CACNA1D: variants seen among roughly 807,000 people sequenced by gnomAD.
CACNA1D encodes the protein calcium voltage-gated channel subunit alpha1 D.
Under a neutral mutation model 257.1 loss-of-function variants are expected in CACNA1D, and 55 were observed. The ratio of observed to expected loss-of-function variants is 0.21; its 90% CI spans 0.17 to 0.27. The LOEUF is 0.27. Ranked by LOEUF, CACNA1D falls within the 10% of genes least tolerant of loss-of-function variation. CACNA1D has a pLI of 1.00. For synonymous variants in CACNA1D, 980 were observed against 1,014.9 expected (o/e 0.97, Z 0.65); for missense variants, 1,876 against 2,784.0 (o/e 0.67, Z 7.34).
rs1458912030 is a variant in CACNA1D at position 53,694,398 on chromosome 3, C to A, written c.1221-8243C>A. Among the ~76,000 whole-genome samples, 7 of 152,122 alleles carry A rather than the reference C, an allele frequency of 4.6e-5. No individual in the cohort carries two copies. The South Asian group carries it at 1.2e-3, about 27-fold the overall frequency. On this transcript the variant is annotated intron_variant, in intron 8 of 47. Transcript: ENST00000350061. The stretch of plus-strand genomic sequence containing the variant: ...GGGGCTCTTGGGGAAAATCAGAGTG[C>A]AGTAGTGAGCAGAGCTGGGCTTTAT...
chr3:53,560,633 G>T (rs949555075), intron 3 of CACNA1D, among the ~76,000 whole-genome samples: 1 of 152,212 alleles, frequency 6.6e-6, no homozygotes, highest in Non-Finnish European at 1.5e-5. Context: ...TAACTCTGCT[G>T]TCATAGTGTA....
chr3:53,560,637 T>A (rs2092720617), intron 3 of CACNA1D, among the ~76,000 whole-genome samples: 1 of 152,244 alleles, frequency 6.6e-6, no homozygotes, highest in Non-Finnish European at 1.5e-5. Flanking sequence ...TCTGCTGTCA[T>A]AGTGTAAAAG....
At chr3:53,641,530 A>C (rs1014547764) in intron 3 of CACNA1D, among the ~76,000 whole-genome samples, 4 of 152,124 alleles carry the variant, frequency 2.6e-5, no homozygotes, top group Non-Finnish European at 4.4e-5. Context: ...GGGTCCCTGA[A>C]CTGCCAGGCG....
At chr3:53,643,009 G>A (rs777956537) in intron 3 of CACNA1D, among the ~76,000 whole-genome samples, 2 of 152,220 alleles carry the variant, frequency 1.3e-5, no homozygotes, top group Non-Finnish European at 2.9e-5. Context: ...GCAAGGCAAA[G>A]CAAGAATGAT....
rs903141370 is a variant in CACNA1D at position 53,789,663 on chromosome 3, G to A, written c.4923+2711G>A. ...GGGTGCCCCATGGCTGGCAGACTGC[G>A]TGCTAATGGAAAGTGGAGCATGGCC... On this transcript the variant is annotated intron_variant, in intron 40 of 47. Transcript: ENST00000350061. The surrounding 1 kb of genome is among the most constrained non-coding windows in gnomAD (Gnocchi z 4.2). Among the ~76,000 whole-genome samples, 1 of 152,232 alleles carries A rather than the reference G, an allele frequency of 6.6e-6. No individual in the cohort carries two copies. Among genetic ancestry groups the A allele is most frequent in the Admixed American group, 6.5e-5 (1 of 15,286 alleles).
intron 40 of CACNA1D, chr3:53,799,962 C>T (rs1041794939): frequency 2.3e-5 from 11 of 470,130 alleles, no homozygotes; most frequent in African/African-American, 1.8e-4. Flanking sequence ...CCTGGCAGAT[C>T]CTAGCACTAG....
intron 4 of CACNA1D, among the ~76,000 whole-genome samples, chr3:53,655,012 T>C (rs571096887): frequency 1.3e-5 from 2 of 152,146 alleles, no homozygotes; most frequent in African/African-American, 2.4e-5. Flanking sequence ...ATGGCCTTTC[T>C]TTGTGTCCAT....
chr3:53,805,174 G>T, intron 45 of CACNA1D, 28 bp downstream of exon 45: 1 of 1,607,512 alleles, frequency 6.2e-7, no homozygotes. Flanking sequence ...GTTTTGGGTG[G>T]AACCTCCCGG....
chr3:53,513,295 T>G (rs576635738), intron 3 of CACNA1D, among the ~76,000 whole-genome samples: 2 of 152,360 alleles, frequency 1.3e-5, no homozygotes, highest in Admixed American at 1.3e-4. Flanking sequence ...TGTTGCCTAG[T>G]GACATCGTAG....
intron 28 of CACNA1D, 71 bp from the exon 29 acceptor site, chr3:53,753,501 G>T (rs1048051857): frequency 2.0e-6 from 2 of 1,022,712 alleles, no homozygotes; most frequent in East Asian, 2.4e-5. Context: ...AGAGGGCTGG[G>T]AGCCTCCATG....
Position 53,691,271 on chromosome 3 carries a change from T to C in CACNA1D, c.1221-11370T>C, listed in dbSNP as rs146520101. ...TCTCCTGCCTCAGCCTCCCAAGTAG[T>C]TGGGATTACAGGTGCACACCACTAC... On this transcript the variant is annotated intron_variant, in intron 8 of 47. Coordinates refer to ENST00000350061, the MANE Select transcript of CACNA1D (RefSeq NM_001128840.3). Among the ~76,000 whole-genome samples, 709 of 151,922 alleles carry C rather than the reference T, an allele frequency of 4.7e-3. 9 individuals are homozygous for C. The highest frequency in any genetic ancestry group is 0.017 in the African/African-American group (685 of 41,432).
intron 3 of CACNA1D, among the ~76,000 whole-genome samples, chr3:53,617,891 C>G (rs2093654579): frequency 6.6e-6 from 1 of 152,126 alleles, no homozygotes; most frequent in African/African-American, 2.4e-5. Context: ...CAAACAGAAG[C>G]CCTGTAAGGA....
chr3:53,770,666 A>C (rs1279976312), intron 32 of CACNA1D, 114 bp downstream of exon 32: 2 of 918,092 alleles, frequency 2.2e-6, no homozygotes, highest in African/African-American at 3.3e-5. Context: ...CTGTGGACCT[A>C]AATCAATAGA....
chr3:53,691,722 CATATATA>C (rs771440600), intron 8 of CACNA1D, among the ~76,000 whole-genome samples: 42 of 57,818 alleles, frequency 7.3e-4, no homozygotes, highest in South Asian at 1.3e-3. Context: ...ATATATATTA[CATATATA>C]ATATATATAT....
intron 3 of CACNA1D, among the ~76,000 whole-genome samples, chr3:53,531,865 C>T (rs919862607): frequency 2.6e-5 from 4 of 152,088 alleles, no homozygotes; most frequent in African/African-American, 9.7e-5. Context: ...CTTAAAAGAA[C>T]AAGGAAGCTT....
At chr3:53,703,436 T>C (rs890477113) in intron 9 of CACNA1D, among the ~76,000 whole-genome samples, 8 of 152,206 alleles carry the variant, frequency 5.3e-5, no homozygotes, top group African/African-American at 1.7e-4. Context: ...AGGCAAGGCC[T>C]GAGAACTCAG....
intron 39 of CACNA1D, among the ~76,000 whole-genome samples, chr3:53,784,151 C>A (rs2095440639): frequency 6.6e-6 from 1 of 152,130 alleles, no homozygotes; most frequent in African/African-American, 2.4e-5. Flanking sequence ...TCTCCGCTGC[C>A]CCCTCACCAT....
intron 3 of CACNA1D, among the ~76,000 whole-genome samples, chr3:53,531,769 T>G (rs1270841133): frequency 6.6e-6 from 1 of 152,230 alleles, no homozygotes; most frequent in Non-Finnish European, 1.5e-5. Context: ...TCTTTGAGGG[T>G]ATTGCTATCA....
At chr3:53,754,469 C>T (rs958659214) in intron 29 of CACNA1D, among the ~76,000 whole-genome samples, 5 of 152,190 alleles carry the variant, frequency 3.3e-5, no homozygotes, top group Admixed American at 1.3e-4. Flanking sequence ...AAAATGAGGA[C>T]GCTAATAGTG....
Sources: allele counts gnomAD v4.1 joint callset (sites outside exome capture counted in the v4.1 genomes callset), GRCh38; gene constraint gnomAD v4.1.1; non-coding constraint Gnocchi (gnomAD v3.1); transcripts MANE v1.5; gene names NCBI Gene and HGNC (gene_info 2026-07-23, HGNC 2026-07-21).